SLC1A1: variants seen among roughly 807,000 people sequenced by gnomAD.
SLC1A1 encodes solute carrier family 1 member 1.
SLC1A1 carries 43 observed loss-of-function variants against 53.3 expected under a neutral mutation model. The ratio of observed to expected loss-of-function variants is 0.81; its 90% CI spans 0.63 to 1.04. The LOEUF is 1.04. Among genes scored for constraint, SLC1A1 ranks in the 50% least tolerant of loss-of-function variants. The pLI is 0.00. For missense variants in SLC1A1, 748 were observed against 664.9 expected (o/e 1.12, Z -1.37); for synonymous variants, 307 against 243.2 (o/e 1.26, Z -2.44).
Position 4,580,867 on chromosome 9 carries a change from C to G in SLC1A1, c.1194-2171C>G, listed in dbSNP as rs189723079. ...ACTGCTGTTGTTGCAGAAGTAGCAGCAGAAATGGCACGTTTTTAATCTTTT... is the reference window on the plus strand; with the variant it reads ...ACTGCTGTTGTTGCAGAAGTAGCAGGAGAAATGGCACGTTTTTAATCTTTT... On this transcript the variant is annotated intron_variant, in intron 10 of 11. Coordinates refer to ENST00000262352, the MANE Select transcript of SLC1A1 (RefSeq NM_004170.6). Among the ~76,000 whole-genome samples, 406 of 152,198 alleles carry G rather than the reference C, an allele frequency of 2.7e-3. 1 individual carries two copies. The highest frequency in any genetic ancestry group is 9.5e-3 in the African/African-American group (395 of 41,514).
rs1482539598 is a variant in SLC1A1, at chr9:4,545,187, A to ACGTCTCTCTCTCTC, written c.232+480_232+481insCGTCTCTCTCTCTC. The stretch of plus-strand genomic sequence containing the variant: ...TACGGGAAAAATTGAAATACATTAG[A>ACGTCTCTCTCTCTC]TGTCTCTCTCTCTCTCTCTCTCTCT... On this transcript the variant is annotated intron_variant, in intron 2 of 11. Transcript: ENST00000262352. 1.3e-3 allele frequency among the ~76,000 whole-genome samples: 64 copies of ACGTCTCTCTCTCTC among 49,032 alleles called. 1 individual carries two copies. The highest frequency in any genetic ancestry group is 4.0e-3 in the African/African-American group (64 of 15,970). The allele number at this position is 49,032 out of a possible 152,430, so 32.2% of individuals were successfully genotyped here.
At chr9:4,520,004 G>A (rs1017056400) in intron 1 of SLC1A1, among the ~76,000 whole-genome samples, 1 of 152,110 alleles carries the variant, frequency 6.6e-6, no homozygotes, top group Non-Finnish European at 1.5e-5. Flanking sequence ...AATAATCCTG[G>A]TTTTCTGTTG....
intron 1 of SLC1A1, among the ~76,000 whole-genome samples, chr9:4,521,817 C>T (rs760312554): frequency 1.2e-4 from 19 of 152,004 alleles, no homozygotes; most frequent in Admixed American, 2.6e-4. Context: ...AGAAAGTCAG[C>T]GAAGACAATT....
chr9:4,548,900 C>T (rs980862604), intron 2 of SLC1A1, among the ~76,000 whole-genome samples: 6 of 152,116 alleles, frequency 3.9e-5, no homozygotes, highest in Non-Finnish European at 5.9e-5. Flanking sequence ...AACATGCTCC[C>T]GCCCTGCTGA....
At chr9:4,557,982 T>G (rs1051668416) in intron 2 of SLC1A1, among the ~76,000 whole-genome samples, 1 of 152,166 alleles carries the variant, frequency 6.6e-6, no homozygotes, top group African/African-American at 2.4e-5. Flanking sequence ...CCCGCCTCCT[T>G]GGGTTGTAAT....
intron 1 of SLC1A1, among the ~76,000 whole-genome samples, chr9:4,518,280 T>C (rs1341426025): frequency 6.6e-6 from 1 of 151,300 alleles, no homozygotes; most frequent in Non-Finnish European, 1.5e-5. Context: ...CTTACTTTTT[T>C]TTTGATTTTA....
intron 1 of SLC1A1, among the ~76,000 whole-genome samples, chr9:4,498,419 A>C (rs1014596932): frequency 6.6e-6 from 1 of 152,200 alleles, no homozygotes; most frequent in African/African-American, 2.4e-5. Context: ...TTTGCAAAGT[A>C]CACAATACTC....
chr9:4,580,601 A>ATG (rs71326118), intron 10 of SLC1A1, among the ~76,000 whole-genome samples: 6,080 of 69,282 alleles, frequency 0.088, 289 homozygotes, highest in Middle Eastern at 0.12. Context: ...AAAAATATAT[A>ATG]TGTGTGTGTG....
chr9:4,532,861 T>A (rs1216932911), intron 1 of SLC1A1, among the ~76,000 whole-genome samples: 2 of 152,134 alleles, frequency 1.3e-5, no homozygotes, highest in African/African-American at 2.4e-5. Flanking sequence ...TAACAGCTGA[T>A]CTCTCGGCAG....
chr9:4,495,420 T>G (rs990651209), intron 1 of SLC1A1, among the ~76,000 whole-genome samples: 2 of 152,136 alleles, frequency 1.3e-5, no homozygotes, highest in African/African-American at 4.8e-5. Flanking sequence ...AGACCATAAA[T>G]AGAATACATA....
At position 4,532,795 on chromosome 9, in the gene SLC1A1, G is replaced by A. The variant is rs186963621; in HGVS notation, c.92-11772G>A. ...CCAAAGTTGCAATGAAGGAAAAAAT[G>A]TTAAGGGCAGCCAGAGAGAAAGGTC... On this transcript the variant is annotated intron_variant, in intron 1 of 11. Transcript: ENST00000262352. Among the ~76,000 whole-genome samples the A allele has an allele frequency of 2.6e-5, 4 of 152,240 alleles. No individual in the cohort carries two copies. In the East Asian group the frequency reaches 7.8e-4, roughly 30 times the overall value.
intron 5 of SLC1A1, among the ~76,000 whole-genome samples, 182 bp from the exon 6 acceptor site, chr9:4,567,487 C>T (rs1403224850): frequency 1.3e-5 from 2 of 152,106 alleles, no homozygotes; most frequent in Admixed American, 1.3e-4. Flanking sequence ...ATTTCTGCCT[C>T]GCTTTTAGTT....
chr9:4,583,105 A>G lies in SLC1A1; in HGVS notation c.1261A>G (p.Ile421Val). The change falls in exon 11 of 12, where the codon ATT becomes GTT. Residue 421 changes from isoleucine to valine, a missense_variant. Ile to Val is a conservative substitution (Grantham distance 29). Coordinates refer to ENST00000262352, the MANE Select transcript of SLC1A1 (RefSeq NM_004170.6). The surrounding 1 kb of genome is among the most constrained non-coding windows in gnomAD (Gnocchi z 4.6). ...CCAGGCTGGCCTGGTGACCATGGTGATTGTGCTGAGTGCCGTGGGCCTGCC... is the reference window on the plus strand; with the variant it reads ...CCAGGCTGGCCTGGTGACCATGGTGGTTGTGCTGAGTGCCGTGGGCCTGCC... ...VPQAGLVTMV[I>V]VLSAVGLPAE... The G allele has an allele frequency of 1.2e-6, 2 of 1,614,142 alleles. No individual in the cohort carries two copies. The highest frequency in any genetic ancestry group is 1.7e-6 in the Non-Finnish European group (2 of 1,180,028).
intron 1 of SLC1A1, among the ~76,000 whole-genome samples, chr9:4,543,471 A>G (rs1817189085): frequency 6.6e-6 from 1 of 152,236 alleles, no homozygotes; most frequent in Admixed American, 6.5e-5. Flanking sequence ...AAAATTTGTG[A>G]TTTTTAGTTA....
At chr9:4,536,255 G>A (rs1315932599) in intron 1 of SLC1A1, among the ~76,000 whole-genome samples, 1 of 152,076 alleles carries the variant, frequency 6.6e-6, no homozygotes, top group Non-Finnish European at 1.5e-5. Context: ...GAGTGAATAG[G>A]CAACCTACAG....
chr9:4,570,832 C>T (rs1819961017), intron 6 of SLC1A1, among the ~76,000 whole-genome samples: 1 of 151,540 alleles, frequency 6.6e-6, no homozygotes, highest in African/African-American at 2.4e-5. Context: ...TCACTTGAGC[C>T]CTCCTTTGAG....
At chr9:4,492,380 G>T (rs1820265510) in intron 1 of SLC1A1, among the ~76,000 whole-genome samples, 1 of 151,854 alleles carries the variant, frequency 6.6e-6, no homozygotes, top group African/African-American at 2.4e-5. Context: ...TACTCGGGAG[G>T]CTGAGGCAGG....
chr9:4,508,123 C>T (rs975986887), intron 1 of SLC1A1, among the ~76,000 whole-genome samples: 2 of 151,284 alleles, frequency 1.3e-5, no homozygotes, highest in Non-Finnish European at 2.9e-5. Context: ...AAGAGTGGAA[C>T]GTGACCGTGG....
At chr9:4,546,297 C>T (rs924145239) in intron 2 of SLC1A1, among the ~76,000 whole-genome samples, 2 of 152,130 alleles carry the variant, frequency 1.3e-5, no homozygotes, top group Non-Finnish European at 2.9e-5. Context: ...CCTTTTAACC[C>T]TAGCAACCTG....
Sources: gnomAD v4.1 joint callset for allele counts (sites outside exome capture counted in the v4.1 genomes callset) on GRCh38, gnomAD v4.1.1 for gene constraint, Gnocchi (gnomAD v3.1) non-coding constraint, MANE v1.5 for transcripts, NCBI Gene and HGNC (gene_info 2026-07-23, HGNC 2026-07-21) for gene names.